HELZ: variants seen among roughly 807,000 people sequenced by gnomAD.
HELZ encodes ATP-dependent RNA helicase with zinc finger domain.
In HELZ, 23 loss-of-function variants were observed where a neutral mutation model predicts 218.2. The observed-to-expected ratio is 0.11, with a 90% confidence interval of 0.08 to 0.15. The LOEUF is 0.15. Among genes scored for constraint, HELZ ranks in the 10% least tolerant of loss-of-function variants. HELZ has a pLI of 1.00. For missense variants in HELZ, 1,813 were observed against 2,353.7 expected, an observed-to-expected ratio of 0.77 and a Z score of 4.75; for synonymous variants, 814 against 829.4, an observed-to-expected ratio of 0.98 and a Z score of 0.32.
rs57349583 is a variant in HELZ at position 67,143,222 on chromosome 17, A to G, written c.2769+2521T>C. On this transcript the variant is annotated intron_variant, in intron 21 of 32. Coordinates refer to ENST00000358691, the MANE Select transcript of HELZ (RefSeq NM_014877.4). ...ACCAAGCCCAATGAATTCATTTTGTATATCTGTACAACTCTGTCTACCTCT... is the reference window on the plus strand; with the variant it reads ...ACCAAGCCCAATGAATTCATTTTGTGTATCTGTACAACTCTGTCTACCTCT... Among the ~76,000 whole-genome samples, 12 of 152,198 alleles carry G rather than the reference A, an allele frequency of 7.9e-5. No individual in the cohort carries two copies. In the South Asian group the frequency reaches 8.3e-4, roughly 11 times the overall value.
At chr17:67,182,583 C>T (rs550081087) in intron 12 of HELZ, among the ~76,000 whole-genome samples, 1 of 152,202 alleles carries the variant, frequency 6.6e-6, no homozygotes, top group Admixed American at 6.5e-5. Flanking sequence ...AAATTACAGA[C>T]CTATGGAATG....
At chr17:67,245,329 C>T (rs576476721), upstream of HELZ, 70 of 751,556 alleles carry the variant, frequency 9.3e-5, 1 homozygote, top group Admixed American at 1.3e-4. Flanking sequence ...CTGCCGACCC[C>T]GGCGCCCGCA....
chr17:67,204,691 G>A (rs978715924), intron 5 of HELZ, among the ~76,000 whole-genome samples: 2 of 151,990 alleles, frequency 1.3e-5, no homozygotes, highest in African/African-American at 4.8e-5. Flanking sequence ...GTATTTGACA[G>A]GGTTTTATTC....
intron 7 of HELZ, among the ~76,000 whole-genome samples, chr17:67,196,349 C>G (rs865944167): frequency 7.9e-5 from 12 of 152,230 alleles, no homozygotes; most frequent in Non-Finnish European, 4.4e-5. Flanking sequence ...AAGCTCTACA[C>G]TTCCAATTTC....
intron 28 of HELZ, among the ~76,000 whole-genome samples, chr17:67,110,482 T>C (rs2037247818): frequency 6.6e-6 from 1 of 152,230 alleles, no homozygotes; most frequent in African/African-American, 2.4e-5. Context: ...CTATATCACC[T>C]TTGTATATAA....
At chr17:67,199,867 C>G (rs2040125188) in intron 7 of HELZ, among the ~76,000 whole-genome samples, 1 of 152,122 alleles carries the variant, frequency 6.6e-6, no homozygotes, top group Non-Finnish European at 1.5e-5. Flanking sequence ...TCTCACTCTC[C>G]GTGAGACAAG....
intron 17 of HELZ, among the ~76,000 whole-genome samples, chr17:67,152,677 T>TA (rs2038721669): frequency 6.6e-6 from 1 of 151,194 alleles, no homozygotes; most frequent in East Asian, 2.0e-4. Flanking sequence ...AGTTTGGAGT[T>TA]CAGGAGAATG....
intron 10 of HELZ, 116 bp from the exon 11 acceptor site, chr17:67,189,812 A>G (rs940431589): frequency 1.5e-6 from 1 of 685,756 alleles, no homozygotes; most frequent in South Asian, 1.8e-5. Context: ...TTTACAGACC[A>G]AAGTATTTTA....
At chr17:67,204,927 A>G (rs2040258192) in intron 5 of HELZ, among the ~76,000 whole-genome samples, 1 of 152,184 alleles carries the variant, frequency 6.6e-6, no homozygotes, top group Admixed American at 6.5e-5. Flanking sequence ...AAACTCTTCA[A>G]ATCTGACCTT....
intron 13 of HELZ, 38 bp downstream of exon 13, chr17:67,178,621 G>A: frequency 6.5e-7 from 1 of 1,537,890 alleles, no homozygotes; most frequent in Non-Finnish European, 8.8e-7. Context: ...ATCCAAAGGG[G>A]AGATTTTTTG....
Position 67,076,105 on chromosome 17 carries a change from A to T in HELZ, c.*2147T>A, listed in dbSNP as rs1196561960. 6.6e-6 allele frequency: 1 copy of T among 152,574 alleles called. No individual in the cohort carries two copies. The highest frequency in any genetic ancestry group is 2.4e-5 in the African/African-American group (1 of 41,414). The allele number at this position is 152,574 out of a possible 1,614,324, so 9.5% of individuals were successfully genotyped here. On this transcript the variant is annotated 3_prime_UTR_variant, in exon 33 of 33. Transcript: ENST00000358691. ...GGGGTCAACTGAAAGCCCTGACTTG[A>T]CAATTCTGTCTTCATATTATCAGAT... is the stretch of plus-strand genomic sequence containing the variant.
intron 31 of HELZ, among the ~76,000 whole-genome samples, chr17:67,106,586 C>T (rs879741852): frequency 4.6e-5 from 7 of 152,244 alleles, no homozygotes; most frequent in Non-Finnish European, 1.0e-4. Flanking sequence ...GGATTACAAG[C>T]GTGAGCCACT....
chr17:67,176,893 A>G (rs763713034), intron 13 of HELZ, among the ~76,000 whole-genome samples: 1 of 152,086 alleles, frequency 6.6e-6, no homozygotes, highest in Admixed American at 6.6e-5. Context: ...GTTTGCCATC[A>G]GTGCTAATAT....
intron 4 of HELZ, 144 bp downstream of exon 4, chr17:67,218,451 C>T: frequency 1.0e-5 from 7 of 687,948 alleles, no homozygotes. Context: ...AACGTAGTTA[C>T]CTTGCCATCA....
In HELZ at chr17:67,145,793, C is replaced by G; in HGVS notation, c.2719G>C (p.Gly907Arg). The G allele has an allele frequency of 6.2e-7, 1 of 1,612,890 alleles. No individual in the cohort carries two copies. Among genetic ancestry groups the G allele is most frequent in the Non-Finnish European group, 8.5e-7 (1 of 1,179,126 alleles). ...CTATTTTTTTCTTGTACATCTTCTC[C>G]TCGTGCTGTAAAGAAAGTTAGTGGG... ...FYPLTFFTAR[G>R]EDVQEKNSTA... The change falls in exon 21 of 33, where the codon GGA becomes CGA. Residue 907 changes from glycine (G) to arginine (R), a missense_variant. Transcript: ENST00000358691.
At chr17:67,201,887 G>A (rs778230812) in intron 6 of HELZ, among the ~76,000 whole-genome samples, 39 of 151,898 alleles carry the variant, frequency 2.6e-4, no homozygotes, top group Non-Finnish European at 4.9e-4. Flanking sequence ...TATGAATCTG[G>A]TGAAATCAAA....
chr17:67,239,028 A>G (rs1360008610), intron 3 of HELZ, among the ~76,000 whole-genome samples: 1 of 152,258 alleles, frequency 6.6e-6, no homozygotes. Flanking sequence ...TCATGACACT[A>G]TGTAAATAGC....
Position 67,070,557 on chromosome 17 carries a change from AG to A in HELZ, c.*7694del, listed in dbSNP as rs1213062393. 2 of 152,234 alleles carry A rather than the reference AG, an allele frequency of 1.3e-5. No homozygotes were observed. Among genetic ancestry groups the A allele is most frequent in the Non-Finnish European group, 2.9e-5 (2 of 68,030 alleles). 9.4% of individuals were successfully genotyped at this position (152,234 alleles called of 1,614,324 possible). On this transcript the variant is annotated 3_prime_UTR_variant, in exon 33 of 33. Transcript: ENST00000358691. Reference sequence around the variant, plus strand: ...TTCACTGAGACAATGAGCACACTGTAGGAACTGTAGACCCCAAGTTGAAAAC... The same window carrying A: ...TTCACTGAGACAATGAGCACACTGTAGAACTGTAGACCCCAAGTTGAAAAC...
chr17:67,100,859 G>C (rs571346451), intron 31 of HELZ, among the ~76,000 whole-genome samples: 1 of 152,114 alleles, frequency 6.6e-6, no homozygotes, highest in Non-Finnish European at 1.5e-5. Flanking sequence ...CCAGCACTTT[G>C]GGAGGCTGAG....
Sources: allele counts gnomAD v4.1 joint callset (sites outside exome capture counted in the v4.1 genomes callset), GRCh38; gene constraint gnomAD v4.1.1; transcripts MANE v1.5; gene names NCBI Gene and HGNC (gene_info 2026-07-23, HGNC 2026-07-21).